The following OSBP2 variants were observed in gnomAD, a reference collection of about 807,000 sequenced individuals.
OSBP2 encodes oxysterol binding protein 2.
OSBP2 carries 66 observed loss-of-function variants against 96.0 expected under a neutral mutation model. The observed-to-expected ratio is 0.69, with a 90% CI of 0.56 to 0.84. The LOEUF (loss-of-function observed/expected upper bound fraction) is 0.84. Ranked by LOEUF, OSBP2 falls within the 40% of genes least tolerant of loss-of-function variation. The pLI, the probability that OSBP2 is intolerant of heterozygous loss-of-function variation, is 0.00. For missense variants in OSBP2, 1,038 were observed against 1,222.7 expected (o/e 0.85, Z 2.25); for synonymous variants, 525 against 520.9 (o/e 1.01, Z -0.11).
chr22:30,740,705 G>A (rs1432572126), intron 1 of OSBP2, among the ~76,000 whole-genome samples: 1 of 152,078 alleles, frequency 6.6e-6, no homozygotes, highest in East Asian at 1.9e-4. Context: ...GTTGGCTCAT[G>A]ACCTCAAGTG....
chr22:30,799,013 CAAA>C (rs136275), intron 2 of OSBP2, among the ~76,000 whole-genome samples: 7 of 91,876 alleles, frequency 7.6e-5, no homozygotes, highest in Admixed American at 2.2e-4. Flanking sequence ...GACTCTGTCT[CAAA>C]AAAAAAAAAA....
chr22:30,779,496 T>C (rs2090485475), intron 2 of OSBP2, among the ~76,000 whole-genome samples: 1 of 152,128 alleles, frequency 6.6e-6, no homozygotes, highest in Admixed American at 6.6e-5. Flanking sequence ...ATTATTCATA[T>C]ACTGAGGGCT....
intron 2 of OSBP2, among the ~76,000 whole-genome samples, chr22:30,860,972 C>T (rs1014956254): frequency 1.3e-5 from 2 of 152,206 alleles, no homozygotes; most frequent in Non-Finnish European, 2.9e-5. Flanking sequence ...TAGGTCACAG[C>T]CCTCTTCTGA....
chr22:30,874,406 G>C (rs1224788914), intron 3 of OSBP2, among the ~76,000 whole-genome samples: 1 of 151,876 alleles, frequency 6.6e-6, no homozygotes, highest in East Asian at 1.9e-4. Context: ...GTGAGACTCT[G>C]TCTCAAAAAA....
At chr22:30,711,050 C>A (rs548725342) in intron 1 of OSBP2, among the ~76,000 whole-genome samples, 1 of 152,154 alleles carries the variant, frequency 6.6e-6, no homozygotes, top group Non-Finnish European at 1.5e-5. Context: ...CAGCCTTGTA[C>A]TTGTCTTGTC....
chr22:30,696,183 G>T (rs1422428226), intron 1 of OSBP2, among the ~76,000 whole-genome samples: 2 of 152,138 alleles, frequency 1.3e-5, no homozygotes, highest in African/African-American at 4.8e-5. Context: ...GACCCAGCAC[G>T]GGATTCAAAA....
chr22:30,753,980 C>T (rs957283448), intron 2 of OSBP2, among the ~76,000 whole-genome samples: 1 of 152,184 alleles, frequency 6.6e-6, no homozygotes, highest in African/African-American at 2.4e-5. Flanking sequence ...CTGGATGACA[C>T]ATTGTTCCCT....
rs1018462519 is a variant in OSBP2 at position 30,708,088 on chromosome 22, G to T, written c.644+12535G>T. On this transcript the variant is annotated intron_variant, in intron 1 of 13. Coordinates refer to ENST00000332585, the MANE Select transcript of OSBP2 (RefSeq NM_030758.4). The stretch of plus-strand genomic sequence containing the variant: ...TTTTTAGTAGAGACAGGGTTGTGCC[G>T]TGTTGGCCAGGCTGGTCTCGAACTC... Among the ~76,000 whole-genome samples, 8 of 151,976 alleles carry T rather than the reference G, an allele frequency of 5.3e-5. No individual in the cohort carries two copies. The South Asian group carries it at 1.7e-3, about 32-fold the overall frequency.
Position 30,889,523 on chromosome 22 carries a change from T to A in OSBP2, c.1510T>A (p.Ser504Thr). The A allele has an allele frequency of 1.2e-6, 2 of 1,614,076 alleles. No individual in the cohort carries two copies. The highest frequency in any genetic ancestry group is 1.7e-6 in the Non-Finnish European group (2 of 1,180,014). Reference sequence around the variant, plus strand: ...TGGTGCCTCGCTCGTGCCCAAGGGTTCATCCAAAGTCAAGAGGCGAGTCCG... The same window carrying A: ...TGGTGCCTCGCTCGTGCCCAAGGGTACATCCAAAGTCAAGAGGCGAGTCCG... ...LDGASLVPKGSSKVKRRVRIP... is the reference protein window; with the variant it reads ...LDGASLVPKGTSKVKRRVRIP... The change falls in exon 7 of 14, where the codon TCA (serine) becomes ACA (threonine). Residue 504 changes from serine to threonine, a missense_variant. Coordinates refer to ENST00000332585, the MANE Select transcript of OSBP2 (RefSeq NM_030758.4).
Position 30,870,388 on chromosome 22 carries a change from T to G in OSBP2, c.854-41T>G. The G allele has an allele frequency of 6.2e-7, 1 of 1,607,312 alleles. No homozygotes were observed. Among genetic ancestry groups the G allele is most frequent in the Non-Finnish European group, 8.5e-7 (1 of 1,177,550 alleles). ...GCTGTGCAGGCCTCTTGGTACCACGTCTGTTCGTAATGACCGTAACAACTC... is the reference window on the plus strand; with the variant it reads ...GCTGTGCAGGCCTCTTGGTACCACGGCTGTTCGTAATGACCGTAACAACTC... On this transcript the variant is annotated intron_variant, in intron 2 of 13. Coordinates refer to ENST00000332585, the MANE Select transcript of OSBP2 (RefSeq NM_030758.4). This position sits in a 1 kb window ranked among gnomAD's most constrained non-coding sequence, Gnocchi z 4.1.
chr22:30,747,279 C>G (rs1197736512), intron 2 of OSBP2, among the ~76,000 whole-genome samples: 1 of 152,070 alleles, frequency 6.6e-6, no homozygotes, highest in Non-Finnish European at 1.5e-5. Context: ...TATTATGTAA[C>G]TAGACAGAGG....
chr22:30,768,429 C>T (rs2090305347), intron 2 of OSBP2, among the ~76,000 whole-genome samples: 1 of 152,110 alleles, frequency 6.6e-6, no homozygotes, highest in African/African-American at 2.4e-5. Context: ...ATAATCCTAG[C>T]ACTTTGGGAG....
At chr22:30,847,105 G>A (rs2038885809) in intron 2 of OSBP2, among the ~76,000 whole-genome samples, 1 of 151,992 alleles carries the variant, frequency 6.6e-6, no homozygotes. Flanking sequence ...AGCCTCCTAA[G>A]TAGCTGAGAT....
chr22:30,785,458 T>C (rs77716670), intron 2 of OSBP2, among the ~76,000 whole-genome samples: 6,948 of 150,754 alleles, frequency 0.046, 546 homozygotes, highest in African/African-American at 0.16. Context: ...TCCCAGCTAC[T>C]CAGGAAGCTG....
chr22:30,872,536 G>C (rs904128964), intron 3 of OSBP2: 1 of 367,534 alleles, frequency 2.7e-6, no homozygotes, highest in African/African-American at 2.1e-5. Flanking sequence ...ACAACCCCCT[G>C]GGGTTGGTCA....
At chr22:30,720,780 C>T (rs902006790) in intron 1 of OSBP2, among the ~76,000 whole-genome samples, 60 of 152,296 alleles carry the variant, frequency 3.9e-4, no homozygotes, top group African/African-American at 1.4e-3. Flanking sequence ...TGTTTAACTC[C>T]CATATTCCTG....
intron 2 of OSBP2, among the ~76,000 whole-genome samples, chr22:30,806,509 T>G (rs1169890596): frequency 6.6e-6 from 1 of 152,112 alleles, no homozygotes; most frequent in Non-Finnish European, 1.5e-5. Context: ...TAAACAGGGC[T>G]AGAAGGTGGA....
intron 2 of OSBP2, among the ~76,000 whole-genome samples, chr22:30,839,169 G>A (rs2038696330): frequency 6.9e-6 from 1 of 144,024 alleles, no homozygotes; most frequent in Non-Finnish European, 1.5e-5. Context: ...CCCTACAAAG[G>A]ACATGAACTC....
intron 2 of OSBP2, among the ~76,000 whole-genome samples, chr22:30,863,884 C>A (rs929863877): frequency 6.6e-6 from 1 of 152,252 alleles, no homozygotes; most frequent in East Asian, 1.9e-4. Context: ...TTTCTTTGCT[C>A]CCCTCAGGGC....
Sources: gnomAD v4.1 joint callset for allele counts (sites outside exome capture counted in the v4.1 genomes callset) on GRCh38, gnomAD v4.1.1 for gene constraint, Gnocchi (gnomAD v3.1) non-coding constraint, MANE v1.5 for transcripts, NCBI Gene and HGNC (gene_info 2026-07-23, HGNC 2026-07-21) for gene names.